The following RRBP1 variants were observed in gnomAD, a reference collection of about 807,000 sequenced individuals.
RRBP1 encodes the protein ribosome binding protein 1.
RRBP1 carries 94 observed loss-of-function variants against 165.2 expected under a neutral mutation model. The observed-to-expected ratio is 0.57, with a 90% CI of 0.48 to 0.68. RRBP1 has a LOEUF of 0.68. RRBP1 is among the 30% of genes least tolerant of loss of function. RRBP1 has a pLI of 0.00. For missense variants in RRBP1, 1,676 were observed against 1,763.0 expected (o/e 0.95, Z 0.88); for synonymous variants, 680 against 714.5 (o/e 0.95, Z 0.77).
chr20:17,625,726 C>T, intron 11 of RRBP1, 124 bp from the exon 12 acceptor site: 1 of 789,818 alleles, frequency 1.3e-6, no homozygotes, highest in South Asian at 1.6e-5. Context: ...GGGACGGTCC[C>T]TTCTGGCTGC....
intron 7 of RRBP1, among the ~76,000 whole-genome samples, chr20:17,635,345 A>C (rs938200595): frequency 6.6e-6 from 1 of 152,238 alleles, no homozygotes; most frequent in African/African-American, 2.4e-5. Context: ...GCCCACCACC[A>C]GCCACCACAG....
intron 7 of RRBP1, 137 bp downstream of exon 7, chr20:17,635,409 T>C (rs2036229309): frequency 3.1e-6 from 2 of 642,492 alleles, no homozygotes. Context: ...AGACGGGAGA[T>C]GGAAGGTCAG....
intron 9 of RRBP1, among the ~76,000 whole-genome samples, chr20:17,629,311 T>C (rs1182035510): frequency 6.6e-6 from 1 of 152,210 alleles, no homozygotes; most frequent in Non-Finnish European, 1.5e-5. Context: ...CTCTCGGCCC[T>C]CCATCCCTGT....
chr20:17,618,431 T>C (rs565826108), intron 20 of RRBP1, among the ~76,000 whole-genome samples, 165 bp downstream of exon 20: 52 of 152,206 alleles, frequency 3.4e-4, no homozygotes, highest in Non-Finnish European at 6.5e-4. Flanking sequence ...TGGGCAAATG[T>C]GCAGGAAGGC....
rs2036700774 is a variant in RRBP1, at chr20:17,659,034, C to T, written c.1474G>A (p.Ala492Thr). The T allele has an allele frequency of 1.9e-6, 3 of 1,568,110 alleles. No individual in the cohort carries two copies. The highest frequency in any genetic ancestry group is 1.4e-5 in the African/African-American group (1 of 73,766). Residue 492 changes from alanine to threonine, a missense_variant, in exon 3 of 25, where the codon GCC (alanine) becomes ACC (threonine). Ala to Thr is a moderately conservative substitution (Grantham distance 58, BLOSUM62 0). Transcript: ENST00000377813. ...TTGCCCTGGTTCTGAGCCCCCTCGG[C>T]CTTCTTGCCCTGGTTCTGGGCCCCC... The part of the protein sequence containing the change: ...AEGAQNQGKK[A>T]EGAQNQGKKA...
At chr20:17,623,680 C>G (rs954996613) in intron 13 of RRBP1, among the ~76,000 whole-genome samples, 2 of 152,170 alleles carry the variant, frequency 1.3e-5, no homozygotes, top group African/African-American at 4.8e-5. Flanking sequence ...CCCTGTAATC[C>G]CAACACTTTG....
chr20:17,660,937 C>G (rs1451610031), intron 2 of RRBP1, among the ~76,000 whole-genome samples: 1 of 152,162 alleles, frequency 6.6e-6, no homozygotes, highest in Non-Finnish European at 1.5e-5. Context: ...CCGCCCCCAC[C>G]TAAAATTAGA....
Position 17,616,582 on chromosome 20 carries a change from C to G in RRBP1, c.3867+150G>C. 8.3e-6 allele frequency: 5 copies of G among 599,322 alleles called. 1 individual carries two copies. The South Asian group carries it at 1.0e-4, about 13-fold the overall frequency. The allele number at this position is 599,322 out of a possible 1,614,324, so 37.1% of individuals were successfully genotyped here. ...CCATGCTCTGTGGCTTTCTCCGAAC[C>G]TGGATGATCCAAATGGGGCAAAGCA... On this transcript the variant is annotated intron_variant, in intron 21 of 24. Transcript: ENST00000377813.
chr20:17,671,413 A>G (rs912139859), intron 2 of RRBP1, among the ~76,000 whole-genome samples: 5 of 152,212 alleles, frequency 3.3e-5, no homozygotes, highest in African/African-American at 9.7e-5. Context: ...CAGTCCTTCA[A>G]TGATCTGCTC....
chr20:17,669,794 A>AT (rs1455012651), intron 2 of RRBP1, among the ~76,000 whole-genome samples: 1 of 152,064 alleles, frequency 6.6e-6, no homozygotes, highest in Non-Finnish European at 1.5e-5. Flanking sequence ...CAGCAGGGTG[A>AT]TTTTTCCCCC....
At chr20:17,619,572 A>G in intron 19 of RRBP1, 61 bp downstream of exon 19, 1 of 1,211,586 alleles carries the variant, frequency 8.3e-7, no homozygotes, top group Non-Finnish European at 1.2e-6. Context: ...GAGGAGAAGC[A>G]GCTCAGGGAG....
chr20:17,624,060 G>A (rs892912459), intron 13 of RRBP1, among the ~76,000 whole-genome samples: 5 of 152,250 alleles, frequency 3.3e-5, no homozygotes, highest in East Asian at 1.9e-4. Flanking sequence ...GTGCAGCCTC[G>A]GGCTCACTGC....
At chr20:17,654,575 C>T (rs1302635868) in intron 3 of RRBP1, among the ~76,000 whole-genome samples, 1 of 152,208 alleles carries the variant, frequency 6.6e-6, no homozygotes, top group Non-Finnish European at 1.5e-5. Context: ...TCATAAATGC[C>T]TCCTTTCATC....
In RRBP1 at chr20:17,659,677, G is replaced by A; in HGVS notation, c.831C>T (p.Asn277=). The A allele has an allele frequency of 1.3e-6, 2 of 1,549,162 alleles. No individual in the cohort carries two copies. The highest frequency in any genetic ancestry group is 1.7e-6 in the Non-Finnish European group (2 of 1,146,616). ...NQGKKVDTTP[N]QGKKVEGAPT... ...GGGCCCCCTCCACCTTTTTCCCCTG[G>A]TTTGGGGTTGTATCTACCTTTTTAC... Residue 277 remains asparagine, a synonymous_variant, in exon 3 of 25, where the codon AAC becomes AAT. Coordinates refer to ENST00000377813, the MANE Select transcript of RRBP1 (RefSeq NM_001365613.2).
In RRBP1 at chr20:17,615,937, C is replaced by T. The variant is rs61737094; in HGVS notation, c.3940G>A (p.Glu1314Lys). ...EQTQRQKLTA[E>K]FEEAQTSACR... is the part of the protein sequence containing the mutation. Reference sequence around the variant, plus strand: ...AGGCAGGGCCTGACCTCCTCAAACTCGGCCGTGAGCTTCTGCCGCTGTGTC... The same window carrying T: ...AGGCAGGGCCTGACCTCCTCAAACTTGGCCGTGAGCTTCTGCCGCTGTGTC... Residue 1314 changes from glutamate (E) to lysine (K), a missense_variant, in exon 22 of 25, where the codon GAG (glutamate) becomes AAG (lysine). This residue lies in a region of RRBP1 where 1,184 missense variants were observed against 1,167.1 expected (regional missense o/e 1.01). Transcript: ENST00000377813. The T allele has an allele frequency of 3.3e-3, 5,246 of 1,610,044 alleles. 21 individuals are homozygous for T. The highest frequency in any genetic ancestry group is 3.7e-3 in the Non-Finnish European group (4,345 of 1,179,882).
intron 13 of RRBP1, chr20:17,623,281 T>G (rs1296477314): frequency 6.6e-6 from 1 of 152,264 alleles, no homozygotes; most frequent in African/African-American, 2.4e-5. Context: ...CCTAGCTAGT[T>G]GTCCTCATCT....
At chr20:17,615,027 C>T (rs1028794326) in intron 23 of RRBP1, 147 bp from the exon 24 acceptor site, 14 of 906,356 alleles carry the variant, frequency 1.5e-5, no homozygotes, top group Middle Eastern at 2.5e-4. Context: ...TAGGTGGTGA[C>T]GACAGGGAGG....
At chr20:17,672,305 G>C (rs1290269808) in intron 2 of RRBP1, among the ~76,000 whole-genome samples, 1 of 152,188 alleles carries the variant, frequency 6.6e-6, no homozygotes, top group Non-Finnish European at 1.5e-5. Flanking sequence ...TTGGAGAAGA[G>C]CTGCATTTCC....
At chr20:17,634,218 C>T (rs2036206050) in intron 7 of RRBP1, among the ~76,000 whole-genome samples, 1 of 152,252 alleles carries the variant, frequency 6.6e-6, no homozygotes, top group Non-Finnish European at 1.5e-5. Context: ...GATGCCACTC[C>T]CTCACTAGCA....
Sources: allele counts gnomAD v4.1 joint callset (sites outside exome capture counted in the v4.1 genomes callset), GRCh38; gene constraint gnomAD v4.1.1; regional missense constraint gnomAD v4.1.1; transcripts MANE v1.5; gene names NCBI Gene and HGNC (gene_info 2026-07-23, HGNC 2026-07-21).